Variants in GLIS3 observed in about 807,000 individuals in gnomAD.
The protein encoded by GLIS3 is zinc finger protein GLIS3.
In GLIS3, 53 loss-of-function variants were observed where a neutral mutation model predicts 78.6. The observed-to-expected ratio is 0.67, with a 90% confidence interval of 0.54 to 0.85. The LOEUF is 0.85. Ranked by LOEUF, GLIS3 falls within the 40% of genes least tolerant of loss-of-function variation. The pLI is 0.00. For synonymous variants in GLIS3, 684 were observed against 509.9 expected, an observed-to-expected ratio of 1.34 and a Z score of -4.60; for missense variants, 1,703 against 1,231.1, an observed-to-expected ratio of 1.38 and a Z score of -5.74.
intron 4 of GLIS3, among the ~76,000 whole-genome samples, chr9:3,945,108 C>G (rs1466704421): frequency 6.6e-6 from 1 of 152,210 alleles, no homozygotes; most frequent in African/African-American, 2.4e-5. Flanking sequence ...CCTCTCAGCA[C>G]TGACACATGG....
chr9:4,235,192 C>T (rs942815586), intron 2 of GLIS3, among the ~76,000 whole-genome samples: 14 of 151,070 alleles, frequency 9.3e-5, no homozygotes, highest in African/African-American at 2.2e-4. Context: ...CCAGCTACTC[C>T]GGAGGCTGAG....
chr9:4,319,643 C>A lies in GLIS3; in HGVS notation n.265-9115G>T, dbSNP rs558073965. ...CTCCTGGGCTCAAGTGATCCTCCTG[C>A]CTCACCCTCCCAGGTAGCTAGGACT... is the stretch of plus-strand genomic sequence containing the variant. On this transcript the variant is annotated intron_variant and non_coding_transcript_variant, in intron 2 of 4. Transcript: ENST00000471664. Among the ~76,000 whole-genome samples, 7 of 152,200 alleles carry A rather than the reference C, an allele frequency of 4.6e-5. No homozygotes were observed. The South Asian group carries it at 8.3e-4, about 18-fold the overall frequency.
intron 2 of GLIS3, among the ~76,000 whole-genome samples, chr9:4,244,506 G>A (rs998574993): frequency 6.6e-6 from 1 of 152,140 alleles, no homozygotes; most frequent in Non-Finnish European, 1.5e-5. Context: ...TTTTTTTAAG[G>A]TGAACTGCTT....
chr9:4,340,414 C>T (rs931630500), intron 2 of GLIS3, among the ~76,000 whole-genome samples: 2 of 152,102 alleles, frequency 1.3e-5, no homozygotes, highest in South Asian at 4.1e-4. Context: ...AAAGGCAACT[C>T]AATTCCAGGA....
chr9:4,158,207 C>T (rs1489704691), intron 2 of GLIS3, among the ~76,000 whole-genome samples: 1 of 152,136 alleles, frequency 6.6e-6, no homozygotes, highest in African/African-American at 2.4e-5. Flanking sequence ...TCATAAGCTC[C>T]TTTCTCCATT....
chr9:4,450,283 G>A, the GLIS3 span, among the ~76,000 whole-genome samples: 1 of 151,976 alleles, frequency 6.6e-6, no homozygotes, highest in Admixed American at 6.6e-5. Flanking sequence ...TAAAGTGAGA[G>A]GAGAAGTTTA....
chr9:4,191,202 A>G (rs1304920493), intron 2 of GLIS3, among the ~76,000 whole-genome samples: 2 of 151,616 alleles, frequency 1.3e-5, no homozygotes, highest in African/African-American at 2.4e-5. Flanking sequence ...TTAAATGTAA[A>G]TGGACTAAAT....
chr9:4,095,672 G>C (rs144269563), intron 4 of GLIS3, among the ~76,000 whole-genome samples: 1 of 152,214 alleles, frequency 6.6e-6, no homozygotes, highest in African/African-American at 2.4e-5. Context: ...GAAAGTGAGC[G>C]AGCTATAAAT....
intron 6 of GLIS3, among the ~76,000 whole-genome samples, chr9:3,923,568 G>C (rs1825035895): frequency 9.5e-6 from 1 of 105,002 alleles, no homozygotes; most frequent in African/African-American, 3.8e-5. Flanking sequence ...CCATGTGCAA[G>C]TGTTTCAGAA....
intron 7 of GLIS3, among the ~76,000 whole-genome samples, chr9:3,883,580 G>A (rs965281905): frequency 2.4e-4 from 36 of 152,152 alleles, no homozygotes; most frequent in African/African-American, 7.7e-4. Flanking sequence ...GTGGCCTATC[G>A]ATCAAAACAT....
chr9:4,193,154 G>A (rs925057209), intron 2 of GLIS3, among the ~76,000 whole-genome samples: 2 of 152,220 alleles, frequency 1.3e-5, no homozygotes, highest in African/African-American at 4.8e-5. Context: ...GGTAGAACTT[G>A]GTCAGCAAAA....
intron 4 of GLIS3, among the ~76,000 whole-genome samples, chr9:3,990,861 C>T (rs977715398): frequency 6.6e-6 from 1 of 152,088 alleles, no homozygotes; most frequent in African/African-American, 2.4e-5. Context: ...CCCTCTCTTC[C>T]AAAATATACA....
chr9:4,013,636 C>T (rs1822212409), intron 4 of GLIS3, among the ~76,000 whole-genome samples: 1 of 152,196 alleles, frequency 6.6e-6, no homozygotes, highest in African/African-American at 2.4e-5. Context: ...TCAAGAGATA[C>T]TATTATTGGC....
chr9:4,031,863 T>C (rs2130270811), intron 4 of GLIS3, among the ~76,000 whole-genome samples: 1 of 152,346 alleles, frequency 6.6e-6, no homozygotes, highest in Non-Finnish European at 1.5e-5. Flanking sequence ...TTAAATCCTC[T>C]TCTTTAAATA....
chr9:4,418,684 G>C, the GLIS3 span, among the ~76,000 whole-genome samples: 1 of 152,032 alleles, frequency 6.6e-6, no homozygotes, highest in Non-Finnish European at 1.5e-5. Context: ...GGATGACAGA[G>C]CCAGAGTCCA....
At chr9:4,052,851 T>C (rs1825836237) in intron 4 of GLIS3, among the ~76,000 whole-genome samples, 1 of 152,224 alleles carries the variant, frequency 6.6e-6, no homozygotes, top group African/African-American at 2.4e-5. Context: ...AGGAGTAGAA[T>C]TGCTGGGTCA....
Position 4,253,995 on chromosome 9 carries a change from T to C in GLIS3, c.388+32043A>G, listed in dbSNP as rs552428526. ...GGTACCTCAGTTGGAAATGCAAAAA[T>C]CACCTGCCTTCTGCCTCATTGGGAG... On this transcript the variant is annotated intron_variant, in intron 2 of 10. Coordinates refer to ENST00000381971, the MANE Select transcript of GLIS3 (RefSeq NM_001042413.2). Among the ~76,000 whole-genome samples, 10 of 152,242 alleles carry C rather than the reference T, an allele frequency of 6.6e-5. No individual in the cohort carries two copies. In the South Asian group the frequency reaches 2.1e-3, roughly 32 times the overall value.
the GLIS3 span, among the ~76,000 whole-genome samples, chr9:4,468,070 G>A: frequency 3.3e-5 from 5 of 152,118 alleles, no homozygotes; most frequent in Admixed American, 2.0e-4. Flanking sequence ...GAAATGAAGT[G>A]AGAAGAGAAG....
chr9:4,054,726 G>T (rs1318549029), intron 4 of GLIS3, among the ~76,000 whole-genome samples: 1 of 152,108 alleles, frequency 6.6e-6, no homozygotes, highest in African/African-American at 2.4e-5. Context: ...AGAACATTTT[G>T]AATCCAGAGT....
Sources: allele counts gnomAD v4.1 joint callset (sites outside exome capture counted in the v4.1 genomes callset), GRCh38; gene constraint gnomAD v4.1.1; transcripts MANE v1.5; gene names NCBI Gene and HGNC (gene_info 2026-07-23, HGNC 2026-07-21).